Variants in DNAH11 observed in about 807,000 individuals in gnomAD.
DNAH11 encodes the protein dynein axonemal heavy chain 11, also known as axonemal beta dynein heavy chain 11.
In DNAH11, 442 loss-of-function variants were observed where a neutral mutation model predicts 526.0. That is an observed-to-expected ratio of 0.84 (90% CI 0.78 to 0.91). The LOEUF (loss-of-function observed/expected upper bound fraction) is 0.91. Ranked by LOEUF, DNAH11 falls within the 40% of genes least tolerant of loss-of-function variation. The pLI is 0.00. For missense variants in DNAH11, 6,989 were observed against 5,448.7 expected (o/e 1.28, Z -8.90); for synonymous variants, 2,461 against 1,935.9 (o/e 1.27, Z -7.12).
At chr7:21,610,977 A>G (rs58975834) in intron 20 of DNAH11, among the ~76,000 whole-genome samples, 41,780 of 152,100 alleles carry the variant, frequency 0.27, 5,981 homozygotes, top group East Asian at 0.55. Flanking sequence ...TGTGATGGTT[A>G]AATTTAGGTG....
At chr7:21,862,238 C>T (rs1374864687) in intron 69 of DNAH11, among the ~76,000 whole-genome samples, 1 of 151,524 alleles carries the variant, frequency 6.6e-6, no homozygotes, top group Non-Finnish European at 1.5e-5. Flanking sequence ...GGAGTGGGGC[C>T]GGTGGGGTGG....
At chr7:21,556,267 C>T (rs908263720) in intron 2 of DNAH11, among the ~76,000 whole-genome samples, 1 of 152,092 alleles carries the variant, frequency 6.6e-6, no homozygotes, top group Non-Finnish European at 1.5e-5. Context: ...ATGAGCTGTG[C>T]GATTTGTCAC....
intron 74 of DNAH11, among the ~76,000 whole-genome samples, chr7:21,879,877 G>T (rs1435054238): frequency 6.6e-6 from 1 of 152,112 alleles, no homozygotes; most frequent in African/African-American, 2.4e-5. Flanking sequence ...CTGAGGACAG[G>T]AGTTCAAGAC....
intron 45 of DNAH11, among the ~76,000 whole-genome samples, chr7:21,730,809 A>G (rs938495970): frequency 2.0e-5 from 3 of 152,080 alleles, no homozygotes; most frequent in African/African-American, 7.2e-5. Flanking sequence ...TTTTTTAAAA[A>G]CCATTAAGAG....
At position 21,894,958 on chromosome 7, in the gene DNAH11, G is replaced by A. The variant is rs1162823375; in HGVS notation, c.13008G>A (p.Trp4336Ter). Residue 4336 changes from tryptophan (W) to a stop codon, truncating the protein, a stop_gained, in exon 79 of 82, where the codon TGG becomes TGA. Transcript: ENST00000409508. LOFTEE classifies it high-confidence loss of function. ...GTTATGACACGGTACCAGACACTTG[G>A]AGCAAACTGGCTTATCCTTCTACTT... ...ALSYDTVPDT[W>*]SKLAYPSTYG... 6.2e-7 allele frequency: 1 copy of A among 1,613,974 alleles called. No homozygotes were observed. Among genetic ancestry groups the A allele is most frequent in the East Asian group, 2.2e-5 (1 of 44,864 alleles).
In DNAH11 at chr7:21,590,985, C is replaced by T. The variant is rs934985831; in HGVS notation, c.2237C>T (p.Ala746Val). 2.6e-6 allele frequency: 4 copies of T among 1,518,622 alleles called. No individual in the cohort carries two copies. The highest frequency in any genetic ancestry group is 2.9e-5 in the African/African-American group (2 of 69,334). 94.1% of individuals were successfully genotyped at this position (1,518,622 alleles called of 1,614,324 possible). A position where few individuals can be genotyped will look rare whatever the true frequency, so the allele number is the denominator to read the frequency against. ...MLKKQDIPDSALAIFKKRNTI... is the reference protein window; with the variant it reads ...MLKKQDIPDSVLAIFKKRNTI... ...AAGAAACAAGACATACCAGATTCAG[C>T]TTTAGCCATCTTCAAGAAAAGGAAC... The change falls in exon 13 of 82, where the codon GCT (alanine) becomes GTT (valine). Residue 746 changes from alanine (A) to valine (V), a missense_variant. Transcript: ENST00000409508.
chr7:21,900,718 C>A (rs927747249), intron 81 of DNAH11, among the ~76,000 whole-genome samples: 8 of 150,012 alleles, frequency 5.3e-5, no homozygotes, highest in Non-Finnish European at 8.9e-5. Flanking sequence ...AAAGGGAGGG[C>A]AAACTAGTTC....
rs1782262368 is a variant in DNAH11 at position 21,842,740 on chromosome 7, A to G, written c.10888A>G (p.Lys3630Glu). ...VVSIERPDLE[K>E]LKLVLTKHQN... ...CAGTATTGAAAGGCCAGATTTGGAG[A>G]AACTTAAGGTAAAAATGTTTACGTC... The change falls in exon 66 of 82, where the codon AAA becomes GAA. Residue 3630 changes from lysine to glutamate, a missense_variant. Physicochemically the swap from Lys to Glu is moderately conservative, Grantham distance 56 (BLOSUM62 1). Coordinates refer to ENST00000409508, the MANE Select transcript of DNAH11 (RefSeq NM_001277115.2). 1 of 1,607,828 alleles carries G rather than the reference A, an allele frequency of 6.2e-7. No individual in the cohort carries two copies. Among genetic ancestry groups the G allele is most frequent in the African/African-American group, 1.3e-5 (1 of 74,712 alleles).
chr7:21,879,814 G>A (rs1161634359), intron 74 of DNAH11, among the ~76,000 whole-genome samples: 4 of 152,104 alleles, frequency 2.6e-5, no homozygotes, highest in African/African-American at 4.8e-5. Context: ...GCTGGGCCCC[G>A]CGGCTCGTGC....
chr7:21,891,668 A>C (rs762249884), intron 76 of DNAH11, among the ~76,000 whole-genome samples: 5 of 152,074 alleles, frequency 3.3e-5, no homozygotes, highest in Non-Finnish European at 7.3e-5. Flanking sequence ...CCCCAGCCTT[A>C]TTGAAGTAGA....
At chr7:21,736,749 G>A (rs577591556) in intron 46 of DNAH11, among the ~76,000 whole-genome samples, 2 of 152,286 alleles carry the variant, frequency 1.3e-5, no homozygotes, top group South Asian at 2.1e-4. Context: ...AGCTACTCAG[G>A]AGGCTGAGGT....
intron 42 of DNAH11, among the ~76,000 whole-genome samples, chr7:21,717,078 T>G (rs540926513): frequency 6.6e-6 from 1 of 152,298 alleles, no homozygotes; most frequent in Non-Finnish European, 1.5e-5. Context: ...ACATCATACA[T>G]TTTTGCCCTG....
intron 71 of DNAH11, 86 bp downstream of exon 71, chr7:21,866,749 G>A (rs1783298117): frequency 7.3e-7 from 1 of 1,366,104 alleles, no homozygotes; most frequent in Non-Finnish European, 9.8e-7. Context: ...TGGTGGAAGT[G>A]TTTACCATCC....
At chr7:21,680,171 A>G (rs1440082269) in intron 30 of DNAH11, among the ~76,000 whole-genome samples, 2 of 152,158 alleles carry the variant, frequency 1.3e-5, no homozygotes, top group African/African-American at 2.4e-5. Flanking sequence ...GGAAGTTTGC[A>G]GGGTTTCGCA....
intron 35 of DNAH11, among the ~76,000 whole-genome samples, chr7:21,691,321 C>G (rs1022057904): frequency 5.3e-5 from 8 of 151,628 alleles, no homozygotes; most frequent in Admixed American, 2.0e-4. Flanking sequence ...CTTTCCAGAG[C>G]ACAGGGTGAA....
In DNAH11 at chr7:21,854,535, T is replaced by C. The variant is rs1203839456; in HGVS notation, c.11202+80T>C. On this transcript the variant is annotated intron_variant, in intron 68 of 81. Transcript: ENST00000409508. ...TGGAACATTGGAATTTATTTTATTA[T>C]TGATAATAATAATAACTATTATTAC... 12 of 1,339,944 alleles carry C rather than the reference T, an allele frequency of 9.0e-6. No individual in the cohort carries two copies. The East Asian group carries it at 3.1e-4, about 34-fold the overall frequency. The allele number at this position is 1,339,944 out of a possible 1,614,324, so 83.0% of individuals were successfully genotyped here.
Position 21,784,361 on chromosome 7 carries a change from AT to A in DNAH11, c.9484-61del, listed in dbSNP as rs558856243. On this transcript the variant is annotated intron_variant, in intron 57 of 81. Transcript: ENST00000409508. ...TAACAGTGCATCTGAGTCAACCTCCATTTTTCTTTAGAGATATCTGTGATAA... is the reference window on the plus strand; with the variant it reads ...TAACAGTGCATCTGAGTCAACCTCCATTTTCTTTAGAGATATCTGTGATAA... The A allele has an allele frequency of 6.4e-4, 803 of 1,252,114 alleles. 11 individuals are homozygous for A. The South Asian group carries it at 6.8e-3, about 11-fold the overall frequency. The allele number at this position is 1,252,114 out of a possible 1,614,324, so 77.6% of individuals were successfully genotyped here.
chr7:21,622,881 G>A (rs1435064331), intron 25 of DNAH11, among the ~76,000 whole-genome samples: 2 of 152,038 alleles, frequency 1.3e-5, no homozygotes, highest in Middle Eastern at 3.2e-3. Flanking sequence ...GAAAACCTAG[G>A]CATTACCATT....
At chr7:21,547,271 A>G (rs1467661696) in intron 2 of DNAH11, among the ~76,000 whole-genome samples, 1 of 152,224 alleles carries the variant, frequency 6.6e-6, no homozygotes, top group Non-Finnish European at 1.5e-5. Context: ...ACAGCTCATG[A>G]CACAGACATT....
Sources: gnomAD v4.1 joint callset for allele counts (sites outside exome capture counted in the v4.1 genomes callset) on GRCh38, gnomAD v4.1.1 for gene constraint, MANE v1.5 for transcripts, NCBI Gene and HGNC (gene_info 2026-07-23, HGNC 2026-07-21) for gene names.